Variants in PRKG1 observed in about 807,000 individuals in gnomAD.
PRKG1 encodes the protein cGMP-dependent protein kinase 1.
A neutral mutation model predicts 88.1 loss-of-function variants in PRKG1; 35 were observed. The observed-to-expected ratio is 0.40, with a 90% CI of 0.30 to 0.53. PRKG1 has a LOEUF of 0.53. Ranked by LOEUF, PRKG1 falls within the 20% of genes least tolerant of loss-of-function variation. PRKG1 has a pLI of 0.59. For missense variants in PRKG1, 540 were observed against 839.8 expected, an observed-to-expected ratio of 0.64 and a Z score of 4.41; for synonymous variants, 303 against 292.5, an observed-to-expected ratio of 1.04 and a Z score of -0.37.
rs938489491 is a variant in PRKG1 at position 51,873,566 on chromosome 10, C to T, written c.699-33941C>T. Among the ~76,000 whole-genome samples, 8 of 141,720 alleles carry T rather than the reference C, an allele frequency of 5.6e-5. No homozygotes were observed. In the East Asian group the frequency reaches 1.0e-3, roughly 18 times the overall value. 93.0% of individuals were successfully genotyped at this position (141,720 alleles called of 152,430 possible). On this transcript the variant is annotated intron_variant, in intron 4 of 17. Coordinates refer to ENST00000373980, the MANE Select transcript of PRKG1 (RefSeq NM_006258.4). ...TTTTTGAGACGGAGTCTTGCTCTGTCGCCCAGGCTAGAGTGCAGTGTCATG... is the reference window on the plus strand; with the variant it reads ...TTTTTGAGACGGAGTCTTGCTCTGTTGCCCAGGCTAGAGTGCAGTGTCATG...
At chr10:51,466,573 A>AAT (rs1231385460) in intron 2 of PRKG1, among the ~76,000 whole-genome samples, 2 of 151,924 alleles carry the variant, frequency 1.3e-5, no homozygotes, top group African/African-American at 4.8e-5. Flanking sequence ...TAAAATTTAA[A>AAT]ATATATATAT....
At chr10:51,099,305 A>G (rs1337691781) in intron 1 of PRKG1, among the ~76,000 whole-genome samples, 2 of 152,034 alleles carry the variant, frequency 1.3e-5, no homozygotes, top group African/African-American at 2.4e-5. Flanking sequence ...ATACAGTAAG[A>G]CAAAGCACCC....
At chr10:51,222,956 A>G (rs955435580) in intron 2 of PRKG1, among the ~76,000 whole-genome samples, 2 of 152,082 alleles carry the variant, frequency 1.3e-5, no homozygotes, top group African/African-American at 4.8e-5. Flanking sequence ...GATTACCATA[A>G]TCAAACTAAA....
In PRKG1 at chr10:51,442,935, A is replaced by G. The variant is rs1276786568; in HGVS notation, c.479-24788A>G. On this transcript the variant is annotated intron_variant, in intron 2 of 17. Transcript: ENST00000373980. Reference sequence around the variant, plus strand: ...GGTTTCAGTCAGATGGCAACTAGGCATAGAGTTACCTGGATACTTAGACAG... The same window carrying G: ...GGTTTCAGTCAGATGGCAACTAGGCGTAGAGTTACCTGGATACTTAGACAG... 3.9e-5 allele frequency among the ~76,000 whole-genome samples: 6 copies of G among 152,170 alleles called. No homozygotes were observed. In the East Asian group the frequency reaches 1.2e-3, roughly 30 times the overall value.
At chr10:52,144,600 C>G (rs1214913896) in intron 8 of PRKG1, among the ~76,000 whole-genome samples, 1 of 152,120 alleles carries the variant, frequency 6.6e-6, no homozygotes, top group Admixed American at 6.5e-5. Flanking sequence ...CACTTGAGGT[C>G]AGGAGTTCGA....
intron 5 of PRKG1, among the ~76,000 whole-genome samples, chr10:51,945,250 G>C (rs11498016): frequency 0.21 from 28,839 of 135,584 alleles, 6,623 homozygotes; most frequent in African/African-American, 0.55. Context: ...GGTTTAAAGT[G>C]TGTTTTATCA....
chr10:51,478,744 G>GAA (rs35148190), intron 3 of PRKG1, among the ~76,000 whole-genome samples: 69,297 of 149,082 alleles, frequency 0.46, 17,941 homozygotes, highest in East Asian at 0.9. Context: ...GTGAGATACT[G>GAA]AAAAAAAAAA....
At chr10:51,978,287 A>G (rs568811129) in intron 5 of PRKG1, among the ~76,000 whole-genome samples, 1 of 151,600 alleles carries the variant, frequency 6.6e-6, no homozygotes, top group South Asian at 2.1e-4. Context: ...TGACCTTATT[A>G]CTCGTCTCTC....
chr10:51,222,422 T>G (rs1056195914), intron 2 of PRKG1, among the ~76,000 whole-genome samples: 4 of 152,178 alleles, frequency 2.6e-5, no homozygotes, highest in Non-Finnish European at 5.9e-5. Context: ...GTTCAAACAC[T>G]CTGGCATTAA....
intron 3 of PRKG1, among the ~76,000 whole-genome samples, chr10:51,710,255 A>G (rs1032360954): frequency 1.3e-5 from 2 of 152,220 alleles, no homozygotes; most frequent in Non-Finnish European, 2.9e-5. Flanking sequence ...TTGAGCAGAC[A>G]GCTTCCAAAT....
chr10:51,516,093 C>T (rs1841572255), intron 3 of PRKG1, among the ~76,000 whole-genome samples: 2 of 152,058 alleles, frequency 1.3e-5, no homozygotes, highest in African/African-American at 4.8e-5. Flanking sequence ...GTCTGGTGCC[C>T]AAGAGGAATG....
intron 1 of PRKG1, among the ~76,000 whole-genome samples, chr10:51,142,417 G>A (rs1202782927): frequency 6.6e-6 from 1 of 151,900 alleles, no homozygotes; most frequent in African/African-American, 2.4e-5. Flanking sequence ...TTATTCAGGT[G>A]AGTTTAAACG....
chr10:51,826,643 T>C (rs1187992321), intron 4 of PRKG1, among the ~76,000 whole-genome samples: 10 of 152,186 alleles, frequency 6.6e-5, no homozygotes, highest in East Asian at 1.9e-4. Context: ...GAATGGACCC[T>C]GTCCACAAGT....
intron 2 of PRKG1, among the ~76,000 whole-genome samples, chr10:51,177,758 T>G (rs1377416270): frequency 6.6e-6 from 1 of 152,074 alleles, no homozygotes; most frequent in African/African-American, 2.4e-5. Context: ...ATATTTATAC[T>G]ATAATTAATT....
intron 6 of PRKG1, among the ~76,000 whole-genome samples, chr10:52,058,023 CATG>C (rs1846150273): frequency 6.6e-6 from 1 of 151,766 alleles, no homozygotes; most frequent in African/African-American, 2.4e-5. Flanking sequence ...ATTATTTATA[CATG>C]ATATGTTTTT....
intron 2 of PRKG1, among the ~76,000 whole-genome samples, chr10:51,397,034 T>G (rs1837595316): frequency 6.6e-6 from 1 of 152,326 alleles, no homozygotes; most frequent in Non-Finnish European, 1.5e-5. Context: ...ATAAAGCTTA[T>G]TTTACGAAAG....
chr10:51,093,873 C>T (rs749343364), intron 1 of PRKG1, among the ~76,000 whole-genome samples: 4 of 149,876 alleles, frequency 2.7e-5, no homozygotes, highest in African/African-American at 4.9e-5. Flanking sequence ...CTTCTCTGAA[C>T]AAGTCACTTT....
intron 10 of PRKG1, among the ~76,000 whole-genome samples, chr10:52,253,852 A>G (rs1460293684): frequency 6.6e-6 from 1 of 151,924 alleles, no homozygotes. Context: ...CAACTTCTAC[A>G]TCGGGACGGA....
At chr10:51,126,203 A>G (rs1317912917) in intron 1 of PRKG1, among the ~76,000 whole-genome samples, 1 of 121,972 alleles carries the variant, frequency 8.2e-6, no homozygotes, top group Non-Finnish European at 1.6e-5. Context: ...TTTATATGTT[A>G]TTTATAATTA....
Sources: gnomAD v4.1 joint callset for allele counts (sites outside exome capture counted in the v4.1 genomes callset) on GRCh38, gnomAD v4.1.1 for gene constraint, MANE v1.5 for transcripts, NCBI Gene and HGNC (gene_info 2026-07-23, HGNC 2026-07-21) for gene names.